GRXCR1: variants seen among roughly 807,000 people sequenced by gnomAD.
GRXCR1 encodes glutaredoxin and cysteine rich domain containing 1, also known as glutaredoxin domain-containing cysteine-rich protein 1.
A neutral mutation model predicts 27.3 loss-of-function variants in GRXCR1; 27 were observed. That is an observed-to-expected ratio of 0.99 (90% CI 0.73 to 1.37). The LOEUF (loss-of-function observed/expected upper bound fraction) is 1.37. GRXCR1 is among the 40% of genes most tolerant of loss of function. The probability of loss-of-function intolerance (pLI) is 0.00; values close to 1 mark genes in which losing one functional copy is unlikely to be tolerated. For synonymous variants in GRXCR1, 122 were observed against 131.1 expected (o/e 0.93, Z 0.47); for missense variants, 379 against 354.4 (o/e 1.07, Z -0.56).
intron 1 of GRXCR1, among the ~76,000 whole-genome samples, chr4:42,924,177 C>T (rs1042417964): frequency 1.3e-5 from 2 of 152,082 alleles, no homozygotes; most frequent in Non-Finnish European, 2.9e-5. Flanking sequence ...ATACAAGAAT[C>T]GGGTCTTACA....
rs375458779 is a variant in GRXCR1 at position 42,949,179 on chromosome 4, C to T, written c.385-13713C>T. Among the ~76,000 whole-genome samples, 63 of 151,518 alleles carry T rather than the reference C, an allele frequency of 4.2e-4. 2 individuals carry two copies. The South Asian group carries it at 9.8e-3, about 24-fold the overall frequency. ...GACCCTCCTGGCCAATATGTTGAAACCCCCTCTCCACTAAAAATACACACA... is the reference window on the plus strand; with the variant it reads ...GACCCTCCTGGCCAATATGTTGAAATCCCCTCTCCACTAAAAATACACACA... On this transcript the variant is annotated intron_variant, in intron 1 of 3. Coordinates refer to ENST00000399770, the MANE Select transcript of GRXCR1 (RefSeq NM_001080476.3).
chr4:42,911,623 G>A (rs1326937343), intron 1 of GRXCR1, among the ~76,000 whole-genome samples: 2 of 151,984 alleles, frequency 1.3e-5, no homozygotes, highest in East Asian at 1.9e-4. Context: ...AACAGTGTGT[G>A]TAGTGATTTA....
At chr4:42,912,654 C>T (rs982793232) in intron 1 of GRXCR1, among the ~76,000 whole-genome samples, 1 of 152,132 alleles carries the variant, frequency 6.6e-6, no homozygotes, top group African/African-American at 2.4e-5. Flanking sequence ...GAGATTGCAA[C>T]ATTTTCTATA....
At chr4:42,948,302 G>T (rs980949897) in intron 1 of GRXCR1, among the ~76,000 whole-genome samples, 6 of 151,138 alleles carry the variant, frequency 4.0e-5, no homozygotes, top group Admixed American at 1.3e-4. Context: ...CAGTAGAAAA[G>T]ATAGATAAAG....
In GRXCR1 at chr4:43,030,478, G is replaced by T; in HGVS notation, c.811G>T (p.Ala271Ser). Residue 271 changes from alanine to serine, a missense_variant, in exon 4 of 4, where the codon GCC (alanine) becomes TCC (serine). Ala to Ser is a moderately conservative substitution (Grantham distance 99). Coordinates refer to ENST00000399770, the MANE Select transcript of GRXCR1 (RefSeq NM_001080476.3). ...FRNCFTDSFK[A>S]LKCTACNENG... ...AAACTGCTTCACAGACTCTTTCAAA[G>T]CCCTGAAGTGTACGGCTTGCAATGA... 1 of 1,614,094 alleles carries T rather than the reference G, an allele frequency of 6.2e-7. No individual in the cohort carries two copies. Among genetic ancestry groups the T allele is most frequent in the African/African-American group, 1.3e-5 (1 of 75,020 alleles).
At chr4:42,954,615 C>A (rs1488230211) in intron 1 of GRXCR1, among the ~76,000 whole-genome samples, 2 of 152,062 alleles carry the variant, frequency 1.3e-5, no homozygotes, top group Non-Finnish European at 2.9e-5. Context: ...TTTGCAGTCT[C>A]TAGAACTGCA....
chr4:42,956,525 C>T (rs952078634), intron 1 of GRXCR1, among the ~76,000 whole-genome samples: 10 of 151,810 alleles, frequency 6.6e-5, no homozygotes, highest in Admixed American at 6.6e-4. Flanking sequence ...GAGAAATCAT[C>T]CAACTTATCA....
Position 42,940,059 on chromosome 4 carries a change from C to G in GRXCR1, c.385-22833C>G, listed in dbSNP as rs574240289. Among the ~76,000 whole-genome samples, 10 of 152,112 alleles carry G rather than the reference C, an allele frequency of 6.6e-5. No homozygotes were observed. In the East Asian group the frequency reaches 1.4e-3, roughly 21 times the overall value. Reference sequence around the variant, plus strand: ...GGTGGTGGAGACGGCTCTGGGCACACTGAACAGTGATTATTCTATTTCTGC... The same window carrying G: ...GGTGGTGGAGACGGCTCTGGGCACAGTGAACAGTGATTATTCTATTTCTGC... On this transcript the variant is annotated intron_variant, in intron 1 of 3. Transcript: ENST00000399770.
At chr4:43,006,569 C>T (rs1290129622) in intron 2 of GRXCR1, among the ~76,000 whole-genome samples, 2 of 152,242 alleles carry the variant, frequency 1.3e-5, no homozygotes, top group East Asian at 1.9e-4. Context: ...GAGGAAATTC[C>T]CACCTAATAA....
chr4:42,951,487 A>C (rs563003095), intron 1 of GRXCR1, among the ~76,000 whole-genome samples: 15 of 152,190 alleles, frequency 9.9e-5, no homozygotes, highest in Non-Finnish European at 2.2e-4. Context: ...GAAAAGTTTG[A>C]CTCAAATAAT....
At chr4:42,926,625 C>T (rs1485561895) in intron 1 of GRXCR1, among the ~76,000 whole-genome samples, 1 of 151,518 alleles carries the variant, frequency 6.6e-6, no homozygotes, top group Non-Finnish European at 1.5e-5. Context: ...ACACATATTT[C>T]ACATTGTTTT....
At chr4:43,001,795 T>A (rs1712371861) in intron 2 of GRXCR1, among the ~76,000 whole-genome samples, 1 of 152,146 alleles carries the variant, frequency 6.6e-6, no homozygotes, top group South Asian at 2.1e-4. Flanking sequence ...GGCACCGACC[T>A]CTGAGTTCCC....
At chr4:42,962,740 A>G in intron 1 of GRXCR1, 152 bp from the exon 2 acceptor site, 1 of 808,016 alleles carries the variant, frequency 1.2e-6, no homozygotes. Context: ...CCAATTACAG[A>G]TGTTGTAACT....
chr4:42,998,233 G>A (rs1214180387), intron 2 of GRXCR1, among the ~76,000 whole-genome samples: 1 of 152,098 alleles, frequency 6.6e-6, no homozygotes, highest in Non-Finnish European at 1.5e-5. Context: ...ACTTAACTCT[G>A]CTCTGTTGAA....
chr4:42,966,850 G>T (rs1748248910), intron 2 of GRXCR1, among the ~76,000 whole-genome samples: 1 of 151,940 alleles, frequency 6.6e-6, no homozygotes, highest in African/African-American at 2.4e-5. Context: ...TATTTGGTTA[G>T]GTGTCTGTTA....
intron 1 of GRXCR1, among the ~76,000 whole-genome samples, chr4:42,895,868 T>C (rs1160820587): frequency 6.6e-6 from 1 of 152,088 alleles, no homozygotes; most frequent in Non-Finnish European, 1.5e-5. Context: ...TTACCAGATA[T>C]GACTTTTCCC....
chr4:42,893,591 G>C lies in GRXCR1; in HGVS notation c.325G>C (p.Val109Leu). 1 of 1,613,616 alleles carries C rather than the reference G, an allele frequency of 6.2e-7. No homozygotes were observed. Among genetic ancestry groups the C allele is most frequent in the Non-Finnish European group, 8.5e-7 (1 of 1,179,716 alleles). ...ILSKNGTVRG[V>L]KYKVSAGQAL... ...AAGCAAAAATGGCACAGTCAGAGGC[G>C]TCAAATACAAAGTGAGTGCTGGCCA... is the stretch of plus-strand genomic sequence containing the variant. The change falls in exon 1 of 4, where the codon GTC becomes CTC. Residue 109 changes from valine to leucine, a missense_variant. By Grantham distance (32) the Val-to-Leu change is conservative. Transcript: ENST00000399770.
Position 42,916,294 on chromosome 4 carries a change from G to A in GRXCR1, c.384+22644G>A, listed in dbSNP as rs1746884858. On this transcript the variant is annotated intron_variant, in intron 1 of 3. Coordinates refer to ENST00000399770, the MANE Select transcript of GRXCR1 (RefSeq NM_001080476.3). ...ATTAATTCATTTAGCCTTCATTAAA[G>A]GCTAAATGGTAGTTAAAGGGAAGTT... is the stretch of plus-strand genomic sequence containing the variant. Among the ~76,000 whole-genome samples, 3 of 152,006 alleles carry A rather than the reference G, an allele frequency of 2.0e-5. No individual in the cohort carries two copies. The South Asian group carries it at 6.2e-4, about 32-fold the overall frequency.
chr4:43,010,138 A>G (rs1190348671), intron 2 of GRXCR1, among the ~76,000 whole-genome samples: 1 of 152,184 alleles, frequency 6.6e-6, no homozygotes, highest in East Asian at 1.9e-4. Context: ...TAAGAGTATC[A>G]TGCCTGTAAT....
Sources: allele counts gnomAD v4.1 joint callset (sites outside exome capture counted in the v4.1 genomes callset), GRCh38; gene constraint gnomAD v4.1.1; transcripts MANE v1.5; gene names NCBI Gene and HGNC (gene_info 2026-07-23, HGNC 2026-07-21).